AVEN: variants seen among roughly 807,000 people sequenced by gnomAD.
The protein encoded by AVEN is cell death regulator Aven.
A neutral mutation model predicts 38.1 loss-of-function variants in AVEN; 41 were observed. The observed-to-expected ratio is 1.08, with a 90% confidence interval of 0.84 to 1.40. AVEN has a LOEUF of 1.40. Among genes scored for constraint, AVEN ranks in the 40% most tolerant of loss-of-function variants. AVEN has a pLI of 0.00. For synonymous variants in AVEN, 206 were observed against 171.8 expected (o/e 1.20, Z -1.56); for missense variants, 605 against 438.8 (o/e 1.38, Z -3.38).
chr15:33,864,237 A>G (rs774815393), downstream of AVEN: 4 of 1,448,960 alleles, frequency 2.8e-6, no homozygotes, highest in Non-Finnish European at 3.8e-6. Context: ...CCTTTCCTAA[A>G]TCTTGAGACT....
intron 1 of AVEN, among the ~76,000 whole-genome samples, chr15:34,032,622 C>T (rs1312733940): frequency 1.3e-5 from 2 of 151,742 alleles, no homozygotes; most frequent in Non-Finnish European, 2.9e-5. Flanking sequence ...GTGCACATAC[C>T]TAGGGGTTCA....
chr15:33,969,927 T>C lies in AVEN; in HGVS notation c.445+33105A>G, dbSNP rs139345555. On this transcript the variant is annotated intron_variant, in intron 2 of 5. Transcript: ENST00000306730. Reference sequence around the variant, plus strand: ...AAATTCCCTAGAAATCACTGCATAATGAGACTTCTAGAGTGACAATCTTAT... The same window carrying C: ...AAATTCCCTAGAAATCACTGCATAACGAGACTTCTAGAGTGACAATCTTAT... Among the ~76,000 whole-genome samples, 559 of 152,156 alleles carry C rather than the reference T, an allele frequency of 3.7e-3. 3 individuals are homozygous for C. Among genetic ancestry groups the C allele is most frequent in the African/African-American group, 0.013 (539 of 41,564 alleles).
chr15:33,917,880 G>A (rs1893211505), intron 2 of AVEN, among the ~76,000 whole-genome samples: 1 of 152,090 alleles, frequency 6.6e-6, no homozygotes, highest in Non-Finnish European at 1.5e-5. Context: ...GGTGATGCGT[G>A]CACCAAAAAC....
intron 5 of AVEN, chr15:34,062,508 T>C (rs1301481702): frequency 2.9e-4 from 142 of 496,202 alleles, no homozygotes; most frequent in Admixed American, 2.6e-4. Flanking sequence ...AGAGCTGAGA[T>C]CGCACCACTG....
At chr15:33,953,551 T>C (rs1322342782) in intron 2 of AVEN, among the ~76,000 whole-genome samples, 1 of 152,208 alleles carries the variant, frequency 6.6e-6, no homozygotes, top group Non-Finnish European at 1.5e-5. Flanking sequence ...GGATTCCCTA[T>C]GTAATAAATG....
intron 2 of AVEN, among the ~76,000 whole-genome samples, chr15:33,887,779 G>C (rs550328618): frequency 6.6e-6 from 1 of 152,186 alleles, no homozygotes; most frequent in Admixed American, 6.5e-5. Context: ...ATATGCTCGT[G>C]ATACTAATTT....
At chr15:34,031,017 T>C (rs1898761842) in intron 1 of AVEN, among the ~76,000 whole-genome samples, 1 of 152,184 alleles carries the variant, frequency 6.6e-6, no homozygotes, top group Non-Finnish European at 1.5e-5. Context: ...TTTCACAGAA[T>C]ATACATCTAT....
upstream of AVEN, among the ~76,000 whole-genome samples, chr15:34,041,261 A>G (rs773008581): frequency 2.0e-5 from 3 of 152,202 alleles, no homozygotes; most frequent in East Asian, 3.8e-4. Flanking sequence ...CTGAGAGGCA[A>G]TCACCCTGGA....
intron 2 of AVEN, among the ~76,000 whole-genome samples, chr15:33,920,902 A>G (rs1021847120): frequency 2.6e-5 from 4 of 152,012 alleles, no homozygotes; most frequent in Non-Finnish European, 4.4e-5. Context: ...CAGCCCCCCA[A>G]GCAGCTGGGA....
intron 2 of AVEN, among the ~76,000 whole-genome samples, chr15:33,979,118 A>G (rs1896022509): frequency 6.6e-6 from 1 of 152,182 alleles, no homozygotes. Context: ...TCTGCATATC[A>G]ATTTGATTAT....
At chr15:33,971,810 T>G (rs1895651267) in intron 2 of AVEN, among the ~76,000 whole-genome samples, 1 of 152,124 alleles carries the variant, frequency 6.6e-6, no homozygotes, top group Non-Finnish European at 1.5e-5. Flanking sequence ...ATGGTTAATT[T>G]TCCTTATGAA....
intron 3 of AVEN, 134 bp downstream of exon 3, chr15:33,875,791 A>G (rs1030774462): frequency 8.6e-6 from 7 of 814,086 alleles, no homozygotes; most frequent in Non-Finnish European, 7.3e-6. Context: ...AATTTTCTGA[A>G]AAGTTTAGCT....
At chr15:33,939,572 A>G (rs1210874004) in intron 2 of AVEN, among the ~76,000 whole-genome samples, 1 of 152,216 alleles carries the variant, frequency 6.6e-6, no homozygotes, top group East Asian at 1.9e-4. Flanking sequence ...ACGAACCAGG[A>G]GATCTGGATT....
downstream of AVEN, among the ~76,000 whole-genome samples, chr15:33,864,603 G>C (rs761770433): frequency 3.3e-5 from 5 of 151,498 alleles, no homozygotes; most frequent in Non-Finnish European, 7.4e-5. Flanking sequence ...CATGTGAGAG[G>C]ATGAGTGAAA....
At chr15:33,860,771 G>A (rs369653586) in intron 11 of AVEN, 27 of 866,732 alleles carry the variant, frequency 3.1e-5, no homozygotes, top group African/African-American at 1.4e-4. Context: ...AAGCAAGAAC[G>A]CAGTTTGTTT....
rs1890713262 is a variant in AVEN, at chr15:33,867,755, CTTCCTCCAGGCCCCAAGGGCCCCT to C, written c.689_712del (p.Lys230_Gly237del). On this transcript the variant is annotated inframe_deletion, in exon 5 of 6. Transcript: ENST00000306730. ...AGATTTCAGCTCAAAGATGGGCCCC[CTTCCTCCAGGCCCCAAGGGCCCCT>C]TTAACTGCATCCCTAATCCCTTGCC... 6.2e-7 allele frequency: 1 copy of C among 1,614,078 alleles called. No individual in the cohort carries two copies. The highest frequency in any genetic ancestry group is 1.3e-5 in the African/African-American group (1 of 74,934).
At position 33,866,353 on chromosome 15, in the gene AVEN, C is replaced by G; in HGVS notation, c.*260G>C. The G allele has an allele frequency of 2.0e-6, 1 of 505,552 alleles. No homozygotes were observed. Among genetic ancestry groups the G allele is most frequent in the Non-Finnish European group, 3.5e-6 (1 of 285,506 alleles). 31.3% of individuals were successfully genotyped at this position (505,552 alleles called of 1,614,324 possible). On this transcript the variant is annotated 3_prime_UTR_variant, in exon 6 of 6. Transcript: ENST00000306730. Reference sequence around the variant, plus strand: ...GTTGTAAACACTGCAAGGAAGGAGGCTAGAAACAAGGGCCAGAGTCTATCT... The same window carrying G: ...GTTGTAAACACTGCAAGGAAGGAGGGTAGAAACAAGGGCCAGAGTCTATCT...
At chr15:33,940,564 CAG>C (rs1337646835) in intron 2 of AVEN, among the ~76,000 whole-genome samples, 3 of 151,244 alleles carry the variant, frequency 2.0e-5, no homozygotes, top group Non-Finnish European at 4.4e-5. Flanking sequence ...TTTTTTGAGA[CAG>C]AGTCTCGCTC....
At chr15:33,962,107 T>C (rs1895212711) in intron 2 of AVEN, among the ~76,000 whole-genome samples, 2 of 152,084 alleles carry the variant, frequency 1.3e-5, no homozygotes, top group Non-Finnish European at 2.9e-5. Context: ...AAGTTATGAT[T>C]GGTGTTACAT....
Sources: gnomAD v4.1 joint callset for allele counts (sites outside exome capture counted in the v4.1 genomes callset) on GRCh38, gnomAD v4.1.1 for gene constraint, MANE v1.5 for transcripts, NCBI Gene and HGNC (gene_info 2026-07-23, HGNC 2026-07-21) for gene names.